Variants in GRM8 observed in about 807,000 individuals in gnomAD.
GRM8 encodes the protein glutamate metabotropic receptor 8.
Under a neutral mutation model 87.2 loss-of-function variants are expected in GRM8, and 47 were observed. That is an observed-to-expected ratio of 0.54 (90% CI 0.43 to 0.69). The LOEUF (loss-of-function observed/expected upper bound fraction) is 0.69. Among genes scored for constraint, GRM8 ranks in the 30% least tolerant of loss-of-function variants. The pLI is 0.00. For missense variants in GRM8, 1,019 were observed against 1,139.2 expected (o/e 0.89, Z 1.52); for synonymous variants, 396 against 404.5 (o/e 0.98, Z 0.25).
intron 9 of GRM8, among the ~76,000 whole-genome samples, chr7:126,484,488 C>T (rs959369640): frequency 3.3e-5 from 5 of 152,142 alleles, no homozygotes; most frequent in South Asian, 2.1e-4. Flanking sequence ...GTGTTTCTCA[C>T]GTCTAGACGA....
rs185423609 is a variant in GRM8 at position 126,964,557 on chromosome 7, A to G, written c.728-59874T>C. On this transcript the variant is annotated intron_variant, in intron 3 of 10. Coordinates refer to ENST00000339582, the MANE Select transcript of GRM8 (RefSeq NM_000845.3). ...TATGCAGCCAACAAACATATGAAAA[A>G]AAGCTCATCATCACTGGTCATTAGA... Among the ~76,000 whole-genome samples, 26 of 152,362 alleles carry G rather than the reference A, an allele frequency of 1.7e-4. No homozygotes were observed. In the East Asian group the frequency reaches 5.0e-3, roughly 29 times the overall value.
intron 8 of GRM8, among the ~76,000 whole-genome samples, chr7:126,563,072 C>T (rs1793875725): frequency 2.0e-5 from 3 of 152,282 alleles, no homozygotes; most frequent in South Asian, 2.1e-4. Context: ...GCTTAGAAGC[C>T]TGTTATAATG....
At chr7:127,084,880 G>C (rs1823306018) in intron 3 of GRM8, 1 of 152,066 alleles carries the variant, frequency 6.6e-6, no homozygotes, top group Non-Finnish European at 1.5e-5. Flanking sequence ...TCATTACTTA[G>C]GTATACATGT....
chr7:126,556,073 T>C (rs1043115505), intron 8 of GRM8, among the ~76,000 whole-genome samples: 2 of 152,164 alleles, frequency 1.3e-5, no homozygotes, highest in Admixed American at 6.6e-5. Flanking sequence ...ATAAATTATC[T>C]TGGGGTTGGA....
intron 7 of GRM8, among the ~76,000 whole-genome samples, chr7:126,749,377 A>C (rs1816120076): frequency 6.6e-6 from 1 of 152,024 alleles, no homozygotes; most frequent in South Asian, 2.1e-4. Context: ...AATGAAAAAA[A>C]AATTCATAAG....
At chr7:126,832,180 A>G (rs540811100) in intron 6 of GRM8, among the ~76,000 whole-genome samples, 219 of 151,886 alleles carry the variant, frequency 1.4e-3, no homozygotes, top group Middle Eastern at 3.4e-3. Flanking sequence ...CCAAAAAAAA[A>G]AAAAAGAAAA....
At chr7:127,213,805 C>G (rs886584840) in intron 2 of GRM8, among the ~76,000 whole-genome samples, 3 of 152,112 alleles carry the variant, frequency 2.0e-5, no homozygotes, top group Admixed American at 2.0e-4. Flanking sequence ...AACTTCCAGA[C>G]AAGATTTCAT....
At chr7:127,163,473 G>A (rs36029012) in intron 2 of GRM8, among the ~76,000 whole-genome samples, 114 of 152,288 alleles carry the variant, frequency 7.5e-4, no homozygotes, top group South Asian at 2.3e-3. Flanking sequence ...AAGCCTAGGT[G>A]GTAGGGGGTT....
At chr7:126,554,429 T>TAATAAC (rs1044088317) in intron 8 of GRM8, among the ~76,000 whole-genome samples, 2 of 142,234 alleles carry the variant, frequency 1.4e-5, no homozygotes, top group African/African-American at 5.9e-5. Flanking sequence ...ATAATAATAA[T>TAATAAC]AATAATAATA....
intron 6 of GRM8, among the ~76,000 whole-genome samples, chr7:126,786,694 T>G (rs1211747767): frequency 6.6e-6 from 1 of 152,200 alleles, no homozygotes. Flanking sequence ...TAACCTATCA[T>G]GTTCCTTAAT....
At chr7:126,924,578 C>A (rs1219774600) in intron 3 of GRM8, among the ~76,000 whole-genome samples, 1 of 152,118 alleles carries the variant, frequency 6.6e-6, no homozygotes, top group Non-Finnish European at 1.5e-5. Flanking sequence ...TTTTGCTTTT[C>A]TTTCTTTCCT....
At chr7:127,176,683 ACT>A (rs960573725) in intron 2 of GRM8, among the ~76,000 whole-genome samples, 74 of 152,004 alleles carry the variant, frequency 4.9e-4, no homozygotes, top group Non-Finnish European at 2.8e-4. Flanking sequence ...GGAAAAGGAG[ACT>A]CTCCTCTCAC....
At chr7:126,864,411 C>G (rs1465455398) in intron 6 of GRM8, among the ~76,000 whole-genome samples, 1 of 151,946 alleles carries the variant, frequency 6.6e-6, no homozygotes, top group African/African-American at 2.4e-5. Context: ...TCTAGGTCTA[C>G]GTATTCCATC....
chr7:126,545,345 T>A (rs1817029496), intron 8 of GRM8, among the ~76,000 whole-genome samples: 1 of 152,250 alleles, frequency 6.6e-6, no homozygotes, highest in Non-Finnish European at 1.5e-5. Context: ...AGTAGAATAA[T>A]CTTTTCCCTT....
intron 2 of GRM8, among the ~76,000 whole-genome samples, chr7:127,161,645 GA>G (rs1368552526): frequency 1.2e-5 from 1 of 81,292 alleles, no homozygotes; most frequent in African/African-American, 5.7e-5. Flanking sequence ...ATATCTGAAA[GA>G]AAATATACCT....
intron 2 of GRM8, among the ~76,000 whole-genome samples, chr7:127,183,838 G>T (rs747384472): frequency 2.6e-5 from 4 of 151,582 alleles, no homozygotes; most frequent in Admixed American, 1.3e-4. Context: ...AGAAATGAAA[G>T]AAAGATCATC....
chr7:126,458,398 T>C (rs1584679374), intron 9 of GRM8, among the ~76,000 whole-genome samples: 2 of 151,292 alleles, frequency 1.3e-5, no homozygotes, highest in African/African-American at 4.8e-5. Context: ...AATATTAATA[T>C]AGGACAAAAT....
chr7:126,615,829 C>A (rs897193351), intron 7 of GRM8, among the ~76,000 whole-genome samples: 4 of 152,172 alleles, frequency 2.6e-5, no homozygotes, highest in African/African-American at 9.7e-5. Context: ...AGCTAACTAT[C>A]TTAAATATAT....
intron 3 of GRM8, among the ~76,000 whole-genome samples, chr7:127,060,666 A>G (rs1182386201): frequency 3.3e-5 from 5 of 152,216 alleles, no homozygotes; most frequent in Non-Finnish European, 7.4e-5. Context: ...TAAGAATTAT[A>G]AGTATGGCAT....
Sources: gnomAD v4.1 joint callset for allele counts (sites outside exome capture counted in the v4.1 genomes callset) on GRCh38, gnomAD v4.1.1 for gene constraint, MANE v1.5 for transcripts, NCBI Gene and HGNC (gene_info 2026-07-23, HGNC 2026-07-21) for gene names.